C6orf89: variants seen among roughly 807,000 people sequenced by gnomAD.
C6orf89 encodes bombesin receptor-activated protein C6orf89.
A neutral mutation model predicts 40.7 loss-of-function variants in C6orf89; 29 were observed. The observed-to-expected ratio is 0.71, with a 90% CI of 0.53 to 0.97. The LOEUF is 0.97. C6orf89 is among the 50% of genes least tolerant of loss of function. The pLI is 0.00. For synonymous variants in C6orf89, 165 were observed against 152.2 expected, an observed-to-expected ratio of 1.08 and a Z score of -0.62; for missense variants, 392 against 429.1, an observed-to-expected ratio of 0.91 and a Z score of 0.76.
Position 36,914,315 on chromosome 6 carries a change from G to C in C6orf89, c.435G>C (p.Glu145Asp), listed in dbSNP as rs1187610775. Residue 145 changes from glutamate to aspartate, a missense_variant, in exon 5 of 9, where the codon GAG becomes GAC. Physicochemically the swap from Glu to Asp is conservative, Grantham distance 45. Transcript: ENST00000480824. ...ACCCCTGGTGGACAAACGACTGTGA[G>C]CAGAATGAGTCAGAGCCCATTCCTG... ...DFDPWWTNDC[E>D]QNESEPIPAN... 1.2e-6 allele frequency: 2 copies of C among 1,614,066 alleles called. No homozygotes were observed. Among genetic ancestry groups the C allele is most frequent in the African/African-American group, 2.7e-5 (2 of 75,008 alleles).
At position 36,919,664 on chromosome 6, in the gene C6orf89, T is replaced by G. The variant is rs1436068708; in HGVS notation, c.912T>G (p.Cys304Trp). Residue 304 changes from cysteine (C) to tryptophan (W), a missense_variant, in exon 8 of 9, where the codon TGT becomes TGG. Cys to Trp is a radical substitution (Grantham distance 215). Coordinates refer to ENST00000480824, the MANE Select transcript of C6orf89 (RefSeq NM_001286635.2). ...LIPPFQCRRH[C>W]QSVAMPIEPG... ...CTCCCTTCCAGTGCCGAAGACATTG[T>G]CAGTCTGTGGCCATGCCAATAGAGC... 1 of 1,614,118 alleles carries G rather than the reference T, an allele frequency of 6.2e-7. No homozygotes were observed. The highest frequency in any genetic ancestry group is 1.1e-5 in the South Asian group (1 of 91,076).
At position 36,923,866 on chromosome 6, in the gene C6orf89, C is replaced by G; in HGVS notation, c.*425C>G. On this transcript the variant is annotated 3_prime_UTR_variant, in exon 9 of 9. Transcript: ENST00000480824. Reference sequence around the variant, plus strand: ...CCTTTACCAGGTGGGCCTGCTTGTCCCTGTCTTGCCTGCCACATCACTCTA... The same window carrying G: ...CCTTTACCAGGTGGGCCTGCTTGTCGCTGTCTTGCCTGCCACATCACTCTA... The G allele has an allele frequency of 7.4e-6, 2 of 270,922 alleles. No individual in the cohort carries two copies. The highest frequency in any genetic ancestry group is 7.8e-5 in the South Asian group (2 of 25,692). The allele number at this position is 270,922 out of a possible 1,614,324, so 16.8% of individuals were successfully genotyped here.
intron 8 of C6orf89, among the ~76,000 whole-genome samples, chr6:36,922,767 CT>C (rs1320103752): frequency 6.6e-6 from 1 of 152,166 alleles, no homozygotes; most frequent in Non-Finnish European, 1.5e-5. Flanking sequence ...TTAGGTTAAT[CT>C]GGATGTTCTG....
At chr6:36,877,681 C>T (rs1368675037) in intron 1 of C6orf89, among the ~76,000 whole-genome samples, 4 of 152,332 alleles carry the variant, frequency 2.6e-5, no homozygotes, top group Non-Finnish European at 5.9e-5. Context: ...ATTGCTGTTG[C>T]TCTGCTTCCA....
rs1186981176 is a variant in C6orf89 at position 36,914,679 on chromosome 6, AT to A, written c.684del (p.Pro229LeufsTer8). 1.9e-6 allele frequency: 3 copies of A among 1,614,108 alleles called. No individual in the cohort carries two copies. The highest frequency in any genetic ancestry group is 2.2e-5 in the South Asian group (2 of 91,080). On this transcript the variant is annotated frameshift_variant, in exon 6 of 9. Coordinates refer to ENST00000480824, the MANE Select transcript of C6orf89 (RefSeq NM_001286635.2). LOFTEE classifies it high-confidence loss of function. ...WRCFPERWFP[F>X]PYPWRRPLNR... ...GCTGCTTTCCTGAGCGGTGGTTCCC[AT>A]TTCCTTATCCATGGTGAGTGTGAAA...
intron 1 of C6orf89, among the ~76,000 whole-genome samples, chr6:36,878,334 A>G: frequency 6.6e-6 from 1 of 152,358 alleles, no homozygotes; most frequent in East Asian, 1.9e-4. Flanking sequence ...TGAACCCAGT[A>G]GTATTTTGTT....
In C6orf89 at chr6:36,875,748, AG is replaced by A. The variant is rs762476416; in HGVS notation, c.-627-3258del. On this transcript the variant is annotated intron_variant, in intron 1 of 9. Coordinates refer to the C6orf89 transcript ENST00000359359. The stretch of plus-strand genomic sequence containing the variant: ...CACGCTTAATCTTCAAAATCCCACA[AG>A]GTAGATATTACTATTCCCATTTTAC... Among the ~76,000 whole-genome samples the A allele has an allele frequency of 2.6e-5, 4 of 152,382 alleles. No individual in the cohort carries two copies. In the East Asian group the frequency reaches 5.8e-4, roughly 22 times the overall value.
intron 1 of C6orf89, among the ~76,000 whole-genome samples, chr6:36,872,492 T>C (rs957810755): frequency 6.6e-6 from 1 of 152,146 alleles, no homozygotes; most frequent in Non-Finnish European, 1.5e-5. Context: ...ACCTACCCAA[T>C]AGGATGAGTG....
chr6:36,876,348 C>T (rs1403647175), intron 1 of C6orf89, among the ~76,000 whole-genome samples: 5 of 152,138 alleles, frequency 3.3e-5, no homozygotes, highest in African/African-American at 1.2e-4. Context: ...CACACAGTGC[C>T]CTGCCCTAAA....
chr6:36,891,568 A>C (rs1001134513), intron 1 of C6orf89, among the ~76,000 whole-genome samples: 5 of 152,204 alleles, frequency 3.3e-5, no homozygotes, highest in African/African-American at 1.2e-4. Flanking sequence ...AGGAATCACC[A>C]CACTGTCTTC....
intron 2 of C6orf89, among the ~76,000 whole-genome samples, chr6:36,898,647 C>G (rs1429155135): frequency 6.6e-6 from 1 of 151,966 alleles, no homozygotes; most frequent in Non-Finnish European, 1.5e-5. Flanking sequence ...TAGTTTTTAC[C>G]TTTTGTTCTC....
At chr6:36,908,954 A>G (rs1762023978) in intron 4 of C6orf89, among the ~76,000 whole-genome samples, 1 of 152,088 alleles carries the variant, frequency 6.6e-6, no homozygotes, top group Non-Finnish European at 1.5e-5. Flanking sequence ...GTCTTCTTCT[A>G]AGGACATCAT....
At position 36,874,913 on chromosome 6, in the gene C6orf89, C is replaced by T. The variant is rs1162362605; in HGVS notation, c.-628+2946C>T. ...TGGGTGGCCAAGACAAGGAAGAGGA[C>T]GGTCCCTTCTTCCAATGCCGGGAAG... is the stretch of plus-strand genomic sequence containing the variant. On this transcript the variant is annotated intron_variant, in intron 1 of 9. Transcript: ENST00000359359. 5.5e-6 allele frequency: 5 copies of T among 901,854 alleles called. No individual in the cohort carries two copies. The East Asian group carries it at 1.1e-4, about 20-fold the overall frequency. The allele number at this position is 901,854 out of a possible 1,614,324, so 55.9% of individuals were successfully genotyped here. A position where few individuals can be genotyped will look rare whatever the true frequency, so the allele number is the denominator to read the frequency against.
At chr6:36,911,932 C>CCT (rs1554137397) in intron 4 of C6orf89, among the ~76,000 whole-genome samples, 1 of 76,526 alleles carries the variant, frequency 1.3e-5, no homozygotes, top group Admixed American at 1.4e-4. Flanking sequence ...CACAGTGAAC[C>CCT]CCCCCCCCCC....
chr6:36,891,878 C>T (rs552676713), intron 1 of C6orf89, among the ~76,000 whole-genome samples: 5 of 152,294 alleles, frequency 3.3e-5, no homozygotes, highest in African/African-American at 1.2e-4. Context: ...AGAGTTACCT[C>T]GCTGGCATAG....
chr6:36,927,585 C>T lies in C6orf89; in HGVS notation c.*4144C>T, dbSNP rs1762727218. 6.6e-6 allele frequency: 1 copy of T among 152,210 alleles called. No homozygotes were observed. The highest frequency in any genetic ancestry group is 1.5e-5 in the Non-Finnish European group (1 of 68,042). The allele number at this position is 152,210 out of a possible 1,614,324, so 9.4% of individuals were successfully genotyped here. A position where few individuals can be genotyped will look rare whatever the true frequency, so the allele number is the denominator to read the frequency against. On this transcript the variant is annotated 3_prime_UTR_variant, in exon 9 of 9. Coordinates refer to ENST00000480824, the MANE Select transcript of C6orf89 (RefSeq NM_001286635.2). ...GAGTATACAAGTTCCACACTCATTA[C>T]CTTTCAGTGGTGACCCATCACCCAC... is the stretch of plus-strand genomic sequence containing the variant.
At chr6:36,916,230 A>G (rs559607509) in intron 6 of C6orf89, among the ~76,000 whole-genome samples, 1 of 152,300 alleles carries the variant, frequency 6.6e-6, no homozygotes, top group Non-Finnish European at 1.5e-5. Flanking sequence ...ACATACTCAA[A>G]TCATGGCTGT....
In C6orf89 at chr6:36,877,390, G is replaced by T. The variant is rs946723673; in HGVS notation, c.-627-1618G>T. ...TCTGTCGCCAGGCTGGAGTGCAGTG[G>T]CACAATCTCAGCTCACTGTAACCTC... is the stretch of plus-strand genomic sequence containing the variant. On this transcript the variant is annotated intron_variant, in intron 1 of 9. Transcript: ENST00000359359. Among the ~76,000 whole-genome samples, 8 of 152,254 alleles carry T rather than the reference G, an allele frequency of 5.3e-5. No individual in the cohort carries two copies. In the East Asian group the frequency reaches 1.5e-3, roughly 29 times the overall value.
Position 36,885,993 on chromosome 6 carries a change from G to C in C6orf89, c.-155G>C. On this transcript the variant is annotated 5_prime_UTR_variant, in exon 1 of 9. Transcript: ENST00000480824. ...TCCTCGCCCGGCGGCAGCTGTCCCC[G>C]AGGCGGGAGGAGCCCGAGGGGCGCG... is the stretch of plus-strand genomic sequence containing the variant. 2 of 1,143,202 alleles carry C rather than the reference G, an allele frequency of 1.7e-6. No homozygotes were observed. Among genetic ancestry groups the C allele is most frequent in the South Asian group, 6.4e-5 (2 of 31,382 alleles). 70.8% of individuals were successfully genotyped at this position (1,143,202 alleles called of 1,614,324 possible).
Sources: gnomAD v4.1 joint callset for allele counts (sites outside exome capture counted in the v4.1 genomes callset) on GRCh38, gnomAD v4.1.1 for gene constraint, MANE v1.5 for transcripts, NCBI Gene and HGNC (gene_info 2026-07-23, HGNC 2026-07-21) for gene names.